USH2A: variants seen among roughly 807,000 people sequenced by gnomAD.
USH2A encodes the protein Usher syndrome 2A (autosomal recessive, mild).
In USH2A, 443 loss-of-function variants were observed where a neutral mutation model predicts 538.9. That is an observed-to-expected ratio of 0.82 (90% CI 0.76 to 0.89). The LOEUF is 0.89. USH2A is among the 40% of genes least tolerant of loss of function. The probability of loss-of-function intolerance (pLI) is 0.00; values close to 1 mark genes in which losing one functional copy is unlikely to be tolerated. For missense variants in USH2A, 6,633 were observed against 6,324.8 expected (o/e 1.05, Z -1.65); for synonymous variants, 2,413 against 2,273.5 (o/e 1.06, Z -1.75).
chr1:215,936,054 CA>C (rs1453082707), intron 37 of USH2A, among the ~76,000 whole-genome samples: 1 of 151,774 alleles, frequency 6.6e-6, no homozygotes, highest in African/African-American at 2.4e-5. Flanking sequence ...TCTAAAAGAG[CA>C]CCAATATTTA....
At chr1:216,036,110 A>G (rs2029939707) in intron 32 of USH2A, among the ~76,000 whole-genome samples, 1 of 152,132 alleles carries the variant, frequency 6.6e-6, no homozygotes, top group Admixed American at 6.6e-5. Flanking sequence ...CATCTATGGT[A>G]TTGGCTAGAA....
chr1:215,897,369 G>A (rs549178462), intron 40 of USH2A, among the ~76,000 whole-genome samples: 6 of 152,244 alleles, frequency 3.9e-5, no homozygotes, highest in Admixed American at 2.0e-4. Context: ...TCTGTAAGAC[G>A]ATATGTGAAA....
In USH2A at chr1:216,292,305, G is replaced by A; in HGVS notation, c.1710C>T (p.Phe570=). ...PFRQGDQVYA[F]NCKPCQCNSH... ...TGTTGCATTGACAAGGTTTACAATTGAAAGCGTAAACTTGATCACCTTGGC... is the reference window on the plus strand; with the variant it reads ...TGTTGCATTGACAAGGTTTACAATTAAAAGCGTAAACTTGATCACCTTGGC... The change falls in exon 10 of 72, where the codon TTC becomes TTT. Residue 570 remains phenylalanine, a synonymous_variant. Coordinates refer to ENST00000307340, the MANE Select transcript of USH2A (RefSeq NM_206933.4). 6.2e-7 allele frequency: 1 copy of A among 1,614,090 alleles called. No homozygotes were observed. Among genetic ancestry groups the A allele is most frequent in the South Asian group, 1.1e-5 (1 of 91,080 alleles).
chr1:215,745,439 C>T (rs1437682404), intron 58 of USH2A, among the ~76,000 whole-genome samples: 1 of 152,106 alleles, frequency 6.6e-6, no homozygotes. Flanking sequence ...TTCAATGCAT[C>T]CCTGTGTTAT....
At chr1:216,152,746 G>A (rs537500704) in intron 21 of USH2A, among the ~76,000 whole-genome samples, 276 of 152,302 alleles carry the variant, frequency 1.8e-3, no homozygotes, top group Non-Finnish European at 3.4e-3. Flanking sequence ...GCAGGGAAAT[G>A]CTGGGTAGAA....
chr1:216,219,207 G>C (rs1000828715), intron 14 of USH2A, among the ~76,000 whole-genome samples: 1 of 152,024 alleles, frequency 6.6e-6, no homozygotes, highest in Non-Finnish European at 1.5e-5. Flanking sequence ...AATGTTTTGA[G>C]CAATTAAATG....
chr1:216,133,062 GAAC>G (rs1232820485), intron 21 of USH2A, among the ~76,000 whole-genome samples: 5 of 152,014 alleles, frequency 3.3e-5, no homozygotes, highest in Non-Finnish European at 5.9e-5. Context: ...TGGGAAGGGA[GAAC>G]AAGAGTTCCA....
intron 32 of USH2A, among the ~76,000 whole-genome samples, chr1:216,009,221 A>C: frequency 6.7e-6 from 1 of 148,274 alleles, no homozygotes; most frequent in East Asian, 2.0e-4. Flanking sequence ...CCGTGTCTCT[A>C]CTCTCTCTTT....
intron 38 of USH2A, among the ~76,000 whole-genome samples, chr1:215,910,615 A>G (rs922139459): frequency 2.6e-5 from 4 of 151,956 alleles, no homozygotes; most frequent in African/African-American, 7.2e-5. Flanking sequence ...TCTTACCCCC[A>G]ATGTCTATCA....
chr1:216,344,950 A>T (rs1188532407), intron 4 of USH2A, among the ~76,000 whole-genome samples: 1 of 150,400 alleles, frequency 6.6e-6, no homozygotes, highest in East Asian at 2.0e-4. Flanking sequence ...GCTGTGGGTG[A>T]CATAATTAGG....
chr1:216,411,280 A>G (rs574284157), intron 3 of USH2A, among the ~76,000 whole-genome samples: 2 of 152,232 alleles, frequency 1.3e-5, no homozygotes, highest in Non-Finnish European at 2.9e-5. Context: ...TGTTCTTATC[A>G]ATTCTCTTTG....
chr1:216,217,339 C>T (rs762506519), intron 15 of USH2A, 48 bp downstream of exon 15: 1 of 1,607,068 alleles, frequency 6.2e-7, no homozygotes, highest in Non-Finnish European at 8.5e-7. Flanking sequence ...ATGCAGTCCC[C>T]TGTATGATGC....
chr1:216,420,587 T>G lies in USH2A; in HGVS notation c.485+1265A>C, dbSNP rs373773063. Among the ~76,000 whole-genome samples the G allele has an allele frequency of 6.6e-5, 10 of 152,238 alleles. No individual in the cohort carries two copies. The East Asian group carries it at 1.9e-3, about 29-fold the overall frequency. ...CCTGTAAATACTTCTCTGTCTTATT[T>G]ATACAAAATGATGTCAATAGAAGAT... On this transcript the variant is annotated intron_variant, in intron 2 of 71. Transcript: ENST00000307340.
chr1:216,078,966 T>C (rs2031844864), intron 26 of USH2A: 1 of 152,186 alleles, frequency 6.6e-6, no homozygotes, highest in African/African-American at 2.4e-5. Context: ...CATTTTCTAA[T>C]GTGAACATAT....
intron 51 of USH2A, among the ~76,000 whole-genome samples, chr1:215,789,202 A>T (rs1661902698): frequency 6.6e-6 from 1 of 152,196 alleles, no homozygotes; most frequent in African/African-American, 2.4e-5. Flanking sequence ...AACCAACCTT[A>T]TGTGTTATCT....
At chr1:216,398,704 A>C (rs545340904) in intron 3 of USH2A, among the ~76,000 whole-genome samples, 89 of 152,250 alleles carry the variant, frequency 5.8e-4, no homozygotes, top group African/African-American at 2.0e-3. Context: ...TGGTGTTGAC[A>C]GGGCCAAGAG....
chr1:216,228,208 C>G (rs2035598061), intron 14 of USH2A, among the ~76,000 whole-genome samples: 1 of 151,962 alleles, frequency 6.6e-6, no homozygotes. Context: ...TAAGTGATCA[C>G]AAAATCCAGG....
At chr1:216,022,273 C>T (rs912479305) in intron 32 of USH2A, among the ~76,000 whole-genome samples, 3 of 152,094 alleles carry the variant, frequency 2.0e-5, no homozygotes, top group Non-Finnish European at 2.9e-5. Flanking sequence ...AGCATACTGC[C>T]ATTAGAACTG....
intron 63 of USH2A, among the ~76,000 whole-genome samples, chr1:215,671,536 A>T (rs906071806): frequency 2.6e-5 from 4 of 152,152 alleles, no homozygotes; most frequent in Non-Finnish European, 4.4e-5. Flanking sequence ...TCAAAAAAAA[A>T]TTATATTTCC....
Sources: allele counts gnomAD v4.1 joint callset (sites outside exome capture counted in the v4.1 genomes callset), GRCh38; gene constraint gnomAD v4.1.1; transcripts MANE v1.5; gene names NCBI Gene and HGNC (gene_info 2026-07-23, HGNC 2026-07-21).